PCDHAC1: variants seen among roughly 807,000 people sequenced by gnomAD.
PCDHAC1 encodes the protein protocadherin alpha-C1.
PCDHAC1 carries 42 observed loss-of-function variants against 60.0 expected under a neutral mutation model. The ratio of observed to expected loss-of-function variants is 0.70; its 90% CI spans 0.55 to 0.90. PCDHAC1 has a LOEUF of 0.90. Ranked by LOEUF, PCDHAC1 falls within the 40% of genes least tolerant of loss-of-function variation. The pLI, the probability that PCDHAC1 is intolerant of heterozygous loss-of-function variation, is 0.00. For synonymous variants in PCDHAC1, 468 were observed against 499.3 expected, an observed-to-expected ratio of 0.94 and a Z score of 0.84; for missense variants, 1,160 against 1,222.3, an observed-to-expected ratio of 0.95 and a Z score of 0.76.
At chr5:140,998,906 AG>A (rs1267220398) in intron 3 of PCDHAC1, among the ~76,000 whole-genome samples, 10 of 152,208 alleles carry the variant, frequency 6.6e-5, no homozygotes, top group Non-Finnish European at 1.5e-5. Context: ...TGCCTCCGGG[AG>A]GTAGCTATTA....
In PCDHAC1 at chr5:140,985,961, A is replaced by G. The variant is rs529433053; in HGVS notation, c.2581+3398A>G. ...TCACTGTGTTAGCCAGGATGGTCTCAATCTCCTGACCTCGTGATCCGCCCA... is the reference window on the plus strand; with the variant it reads ...TCACTGTGTTAGCCAGGATGGTCTCGATCTCCTGACCTCGTGATCCGCCCA... On this transcript the variant is annotated intron_variant, in intron 3 of 3. Transcript: ENST00000253807. 9.3e-3 allele frequency among the ~76,000 whole-genome samples: 1,411 copies of G among 151,982 alleles called. 12 individuals carry two copies. Among genetic ancestry groups the G allele is most frequent in the Non-Finnish European group, 0.015 (1,024 of 67,944 alleles).
In PCDHAC1 at chr5:140,927,610, A is replaced by C; in HGVS notation, c.718A>C (p.Thr240Pro). 2 of 1,614,162 alleles carry C rather than the reference A, an allele frequency of 1.2e-6. No individual in the cohort carries two copies. Among genetic ancestry groups the C allele is most frequent in the Non-Finnish European group, 1.7e-6 (2 of 1,180,028 alleles). ...APVFERSVYRTKVPETAPNGT... is the reference protein window; with the variant it reads ...APVFERSVYRPKVPETAPNGT... ...TGTATTTGAGCGCTCCGTATACCGC[A>C]CCAAGGTTCCAGAGACTGCACCCAA... Residue 240 changes from threonine (T) to proline (P), a missense_variant, in exon 1 of 4, where the codon ACC becomes CCC. Physicochemically the swap from Thr to Pro is conservative, Grantham distance 38. Around this residue, in one of 3 missense-constraint regions of PCDHAC1, gnomAD observed 1,113 missense variants for 1,163.7 expected, o/e 0.96. Coordinates refer to ENST00000253807, the MANE Select transcript of PCDHAC1 (RefSeq NM_018898.5).
intron 1 of PCDHAC1, among the ~76,000 whole-genome samples, chr5:140,944,956 A>T (rs2093715486): frequency 6.6e-6 from 1 of 152,140 alleles, no homozygotes; most frequent in Non-Finnish European, 1.5e-5. Context: ...GAATAAGAGT[A>T]TTATCTTAAC....
intron 1 of PCDHAC1, chr5:140,968,952 T>C: frequency 1.2e-6 from 2 of 1,614,192 alleles, no homozygotes; most frequent in Non-Finnish European, 1.7e-6. Context: ...TTGAGCATCA[T>C]CAAGTGCTAC....
chr5:140,951,210 G>C (rs541010152), intron 1 of PCDHAC1, among the ~76,000 whole-genome samples: 4 of 151,862 alleles, frequency 2.6e-5, no homozygotes, highest in African/African-American at 9.7e-5. Flanking sequence ...TGTCATCTCA[G>C]GTTTGGATTC....
At position 140,928,043 on chromosome 5, in the gene PCDHAC1, C is replaced by G. The variant is rs1554205400; in HGVS notation, c.1151C>G (p.Pro384Arg). The G allele has an allele frequency of 1.2e-6, 2 of 1,614,192 alleles. No individual in the cohort carries two copies. The highest frequency in any genetic ancestry group is 1.7e-6 in the Non-Finnish European group (2 of 1,180,046). Residue 384 changes from proline to arginine, a missense_variant, in exon 1 of 4, where the codon CCT becomes CGT. Around this residue, in one of 3 missense-constraint regions of PCDHAC1, gnomAD observed 1,113 missense variants for 1,163.7 expected, o/e 0.96. Coordinates refer to ENST00000253807, the MANE Select transcript of PCDHAC1 (RefSeq NM_018898.5). ...RVICGMSSAGPFQLTASFDNY... is the reference protein window; with the variant it reads ...RVICGMSSAGRFQLTASFDNY... ...ATTTGTGGCATGTCTAGTGCAGGCCCTTTTCAGCTGACGGCTTCCTTTGAC... is the reference window on the plus strand; with the variant it reads ...ATTTGTGGCATGTCTAGTGCAGGCCGTTTTCAGCTGACGGCTTCCTTTGAC...
intron 3 of PCDHAC1, among the ~76,000 whole-genome samples, chr5:141,003,070 G>A (rs1588007737): frequency 6.6e-6 from 1 of 152,232 alleles, no homozygotes; most frequent in South Asian, 2.1e-4. Flanking sequence ...AAATGCAGAT[G>A]AGGGTGAGTT....
chr5:140,976,819 T>C (rs1380206599), intron 1 of PCDHAC1, among the ~76,000 whole-genome samples: 3 of 152,222 alleles, frequency 2.0e-5, no homozygotes, highest in Admixed American at 2.0e-4. Flanking sequence ...TATGCATGTG[T>C]CTAATGAGCA....
Position 140,928,904 on chromosome 5 carries a change from G to T in PCDHAC1, c.2012G>T (p.Trp671Leu). The stretch of plus-strand genomic sequence containing the variant: ...TTACTTCCAGACTTTGAAGATGTCT[G>T]GGAACCAGGAGGGCAGCTTTCTGCC... ...PQLLPDFEDVWEPGGQLSAQN... is the reference protein window; with the variant it reads ...PQLLPDFEDVLEPGGQLSAQN... The change falls in exon 1 of 4, where the codon TGG becomes TTG. Residue 671 changes from tryptophan to leucine, a missense_variant. Trp to Leu is a moderately conservative substitution (Grantham distance 61). This residue lies in a region of PCDHAC1 where 1,113 missense variants were observed against 1,163.7 expected (regional missense o/e 0.96). Coordinates refer to ENST00000253807, the MANE Select transcript of PCDHAC1 (RefSeq NM_018898.5). The T allele has an allele frequency of 6.2e-7, 1 of 1,614,180 alleles. No individual in the cohort carries two copies. The highest frequency in any genetic ancestry group is 8.5e-7 in the Non-Finnish European group (1 of 1,180,040).
intron 1 of PCDHAC1, chr5:140,967,797 C>T: frequency 6.2e-7 from 1 of 1,614,184 alleles, no homozygotes; most frequent in East Asian, 2.2e-5. Flanking sequence ...GGTCCAGTGC[C>T]CATGGCAGGT....
At chr5:140,931,852 G>A (rs1177917853) in intron 1 of PCDHAC1, among the ~76,000 whole-genome samples, 1 of 151,728 alleles carries the variant, frequency 6.6e-6, no homozygotes, top group Admixed American at 6.6e-5. Flanking sequence ...AATAACAACA[G>A]GATTCTAGAA....
chr5:140,957,826 G>A (rs1282608668), intron 1 of PCDHAC1, among the ~76,000 whole-genome samples: 3 of 151,106 alleles, frequency 2.0e-5, no homozygotes, highest in East Asian at 3.9e-4. Flanking sequence ...TTAAGAGAAA[G>A]TGTTAATTGA....
At chr5:141,003,962 C>G (rs2098144287) in intron 3 of PCDHAC1, among the ~76,000 whole-genome samples, 1 of 152,098 alleles carries the variant, frequency 6.6e-6, no homozygotes, top group Non-Finnish European at 1.5e-5. Context: ...ACCCTGGGAG[C>G]ATAAGGGAGG....
Position 140,927,491 on chromosome 5 carries a change from T to G in PCDHAC1, c.599T>G (p.Leu200Arg), listed in dbSNP as rs2084266726. 1.2e-6 allele frequency: 2 copies of G among 1,614,118 alleles called. No homozygotes were observed. The highest frequency in any genetic ancestry group is 1.7e-6 in the Non-Finnish European group (2 of 1,180,028). Residue 200 changes from leucine to arginine, a missense_variant, in exon 1 of 4, where the codon CTG (leucine) becomes CGG (arginine). Physicochemically the swap from Leu to Arg is moderately radical, Grantham distance 102. This residue lies in a region of PCDHAC1 where 1,113 missense variants were observed against 1,163.7 expected (regional missense o/e 0.96). Transcript: ENST00000253807. Reference protein sequence around the residue: ...ALDREQRATHLLVLTARDGGL... With the variant: ...ALDREQRATHRLVLTARDGGL... Reference sequence around the variant, plus strand: ...GATCGCGAACAGCGCGCCACCCACCTGCTGGTGCTTACAGCTCGGGACGGC... The same window carrying G: ...GATCGCGAACAGCGCGCCACCCACCGGCTGGTGCTTACAGCTCGGGACGGC...
rs1554206190 is a variant in PCDHAC1 at position 140,928,697 on chromosome 5, G to A, written c.1805G>A (p.Arg602Gln). Residue 602 changes from arginine (R) to glutamine (Q), a missense_variant, in exon 1 of 4, where the codon CGG becomes CAG. Transcript: ENST00000253807. Reference protein sequence around the residue: ...SNAWLSYHISRASDSSLFRIS... With the variant: ...SNAWLSYHISQASDSSLFRIS... ...GCCTGGCTTTCCTACCACATCTCCCGGGCGTCTGACTCTAGTCTCTTTAGA... is the reference window on the plus strand; with the variant it reads ...GCCTGGCTTTCCTACCACATCTCCCAGGCGTCTGACTCTAGTCTCTTTAGA... 1 of 1,614,122 alleles carries A rather than the reference G, an allele frequency of 6.2e-7. No individual in the cohort carries two copies. The highest frequency in any genetic ancestry group is 8.5e-7 in the Non-Finnish European group (1 of 1,180,028).
At chr5:140,935,796 G>A (rs2090564598) in intron 1 of PCDHAC1, among the ~76,000 whole-genome samples, 2 of 150,224 alleles carry the variant, frequency 1.3e-5, no homozygotes, top group African/African-American at 2.5e-5. Flanking sequence ...AAATATAAAC[G>A]AGATTATTTC....
intron 1 of PCDHAC1, among the ~76,000 whole-genome samples, chr5:140,951,497 A>G (rs2094591184): frequency 6.6e-6 from 1 of 152,030 alleles, no homozygotes; most frequent in Non-Finnish European, 1.5e-5. Flanking sequence ...GGTGGAAGGC[A>G]AAAGGAAAGC....
At chr5:140,954,297 C>T (rs1369831854) in intron 1 of PCDHAC1, among the ~76,000 whole-genome samples, 2 of 152,180 alleles carry the variant, frequency 1.3e-5, no homozygotes, top group African/African-American at 4.8e-5. Flanking sequence ...TGGGTACATA[C>T]CCAGTAATGG....
chr5:140,985,975 G>A (rs2097182023), intron 3 of PCDHAC1, among the ~76,000 whole-genome samples: 2 of 152,148 alleles, frequency 1.3e-5, no homozygotes, highest in South Asian at 2.1e-4. Flanking sequence ...TCCTGACCTC[G>A]TGATCCGCCC....
Sources: allele counts gnomAD v4.1 joint callset (sites outside exome capture counted in the v4.1 genomes callset), GRCh38; gene constraint gnomAD v4.1.1; regional missense constraint gnomAD v4.1.1; transcripts MANE v1.5; gene names NCBI Gene and HGNC (gene_info 2026-07-23, HGNC 2026-07-21).